Variants in BEST3 observed in about 807,000 individuals in gnomAD.
BEST3 encodes the protein bestrophin 3, also known as bestrophin-3.
Under a neutral mutation model 47.1 loss-of-function variants are expected in BEST3, and 50 were observed. That is an observed-to-expected ratio of 1.06 (90% confidence interval 0.85 to 1.34). BEST3 has a LOEUF of 1.34. Among genes scored for constraint, BEST3 ranks in the 40% most tolerant of loss-of-function variants. BEST3 has a pLI of 0.00. For missense variants in BEST3, 765 were observed against 817.0 expected, an observed-to-expected ratio of 0.94 and a Z score of 0.78; for synonymous variants, 282 against 298.8, an observed-to-expected ratio of 0.94 and a Z score of 0.58.
exon 10 of BEST3, chr12:69,643,629 G>A (rs1882942713): frequency 1.6e-6 from 1 of 608,246 alleles, no homozygotes; most frequent in East Asian, 3.0e-5. Context: ...TTGAGCAGCA[G>A]ATGAGATTGT....
At chr12:69,671,810 C>G (rs1279195414) in intron 8 of BEST3, among the ~76,000 whole-genome samples, 1 of 152,090 alleles carries the variant, frequency 6.6e-6, no homozygotes, top group Non-Finnish European at 1.5e-5. Flanking sequence ...TGAAGCCTCC[C>G]ACACTCCGGG....
At chr12:69,689,580 T>G (rs748062475) in intron 4 of BEST3, among the ~76,000 whole-genome samples, 9 of 152,194 alleles carry the variant, frequency 5.9e-5, no homozygotes, top group Non-Finnish European at 7.3e-5. Flanking sequence ...CTTTTCTGCC[T>G]TTTGAGAAAA....
At chr12:69,693,263 C>CTT (rs61067334) in intron 4 of BEST3, among the ~76,000 whole-genome samples, 1,900 of 112,568 alleles carry the variant, frequency 0.017, 28 homozygotes, top group Non-Finnish European at 0.028. Context: ...TTTCTTTTTT[C>CTT]TTTTTTTTTT....
At chr12:69,689,600 A>G (rs1197346068) in intron 4 of BEST3, among the ~76,000 whole-genome samples, 2 of 152,192 alleles carry the variant, frequency 1.3e-5, no homozygotes, top group African/African-American at 4.8e-5. Flanking sequence ...ATACTTAGGA[A>G]TTAATGAGAG....
At chr12:69,694,117 T>C (rs898380719) in intron 3 of BEST3, 7 of 574,638 alleles carry the variant, frequency 1.2e-5, no homozygotes, top group Middle Eastern at 4.5e-4. Flanking sequence ...ATCTCAAATA[T>C]TGACTGCAAA....
rs111566529 is a variant in BEST3 at position 69,646,924 on chromosome 12, T to C, written c.1101-3137A>G. Among the ~76,000 whole-genome samples, 483 of 142,192 alleles carry C rather than the reference T, an allele frequency of 3.4e-3. 4 individuals are homozygous for C. Among genetic ancestry groups the C allele is most frequent in the African/African-American group, 0.011 (448 of 41,206 alleles). The allele number at this position is 142,192 out of a possible 152,430, so 93.3% of individuals were successfully genotyped here. Reference sequence around the variant, plus strand: ...AAGATGCCGCCACTTCCAGAAAGTTTTGTTCCTTGGGGAATAAAAAAAAAG... The same window carrying C: ...AAGATGCCGCCACTTCCAGAAAGTTCTGTTCCTTGGGGAATAAAAAAAAAG... On this transcript the variant is annotated intron_variant, in intron 9 of 9. Coordinates refer to the BEST3 transcript ENST00000331471.
chr12:69,690,611 G>A (rs568202150), intron 4 of BEST3, among the ~76,000 whole-genome samples: 1 of 152,304 alleles, frequency 6.6e-6, no homozygotes, highest in Non-Finnish European at 1.5e-5. Flanking sequence ...CCCGGCATCT[G>A]ATTCCTGTCA....
intron 4 of BEST3, among the ~76,000 whole-genome samples, chr12:69,682,751 A>AT (rs1200097842): frequency 6.6e-6 from 1 of 151,814 alleles, no homozygotes; most frequent in Non-Finnish European, 1.5e-5. Context: ...TAATTTTTGT[A>AT]TTTTTTGTAG....
At chr12:69,685,856 T>C (rs899234133) in intron 4 of BEST3, among the ~76,000 whole-genome samples, 1 of 152,060 alleles carries the variant, frequency 6.6e-6, no homozygotes, top group Admixed American at 6.6e-5. Context: ...GAGACAGAAA[T>C]GTGGGGGGAA....
At chr12:69,661,888 T>C (rs530372299) in intron 9 of BEST3, among the ~76,000 whole-genome samples, 1 of 152,194 alleles carries the variant, frequency 6.6e-6, no homozygotes, top group Non-Finnish European at 1.5e-5. Context: ...AAGTGGCCTC[T>C]TGTGCCTTTA....
At chr12:69,679,660 A>T (rs1160738326) in intron 4 of BEST3, among the ~76,000 whole-genome samples, 1 of 152,208 alleles carries the variant, frequency 6.6e-6, no homozygotes, top group African/African-American at 2.4e-5. Context: ...CAGGAGTTCA[A>T]CACGAGCCTG....
At position 69,654,270 on chromosome 12, in the gene BEST3, A is replaced by T. The variant is rs1341360616; in HGVS notation, c.*637T>A. 3.0e-6 allele frequency: 3 copies of T among 985,002 alleles called. No homozygotes were observed. The African/African-American group carries it at 5.2e-5, about 17-fold the overall frequency. 61.0% of individuals were successfully genotyped at this position (985,002 alleles called of 1,614,324 possible). A position where few individuals can be genotyped will look rare whatever the true frequency, so the allele number is the denominator to read the frequency against. On this transcript the variant is annotated 3_prime_UTR_variant, in exon 10 of 10. Coordinates refer to ENST00000330891, the MANE Select transcript of BEST3 (RefSeq NM_032735.3). The stretch of plus-strand genomic sequence containing the variant: ...AACCAGGGAGAAGGGAAGGGAAAAA[A>T]AGGATGACAGAATAAAAGGAAAAGA...
chr12:69,696,401 A>C (rs995850097), intron 2 of BEST3, among the ~76,000 whole-genome samples: 2 of 152,200 alleles, frequency 1.3e-5, no homozygotes, highest in Non-Finnish European at 2.9e-5. Context: ...AGCAGCAATA[A>C]ATTCACATTA....
intron 9 of BEST3, among the ~76,000 whole-genome samples, chr12:69,664,429 C>A (rs1373775870): frequency 6.6e-6 from 1 of 152,118 alleles, no homozygotes; most frequent in Admixed American, 6.6e-5. Context: ...ACTGGGACCT[C>A]CCCCCGCCAC....
intron 9 of BEST3, among the ~76,000 whole-genome samples, chr12:69,648,447 A>G (rs1017524800): frequency 1.3e-5 from 2 of 152,242 alleles, no homozygotes; most frequent in African/African-American, 4.8e-5. Flanking sequence ...ATAAGAATGT[A>G]TACAAGCAAA....
downstream of BEST3, among the ~76,000 whole-genome samples, chr12:69,649,710 T>A (rs1883149938): frequency 6.6e-6 from 1 of 152,208 alleles, no homozygotes. Flanking sequence ...ATTTCTGGCC[T>A]CTACCCACTA....
intron 9 of BEST3, 55 bp downstream of exon 9, chr12:69,671,373 C>G (rs1481295903): frequency 1.4e-6 from 2 of 1,457,348 alleles, no homozygotes; most frequent in Non-Finnish European, 1.9e-6. Context: ...GAGACAAGGT[C>G]TCACTATGTT....
intron 4 of BEST3, among the ~76,000 whole-genome samples, chr12:69,681,721 A>T (rs58715753): frequency 0.4 from 60,955 of 151,976 alleles, 12,362 homozygotes; most frequent in South Asian, 0.54. Context: ...ACTAAATCAG[A>T]CTCAGTAGGG....
At position 69,655,173 on chromosome 12, in the gene BEST3, C is replaced by A; in HGVS notation, c.1741G>T (p.Asp581Tyr). The A allele has an allele frequency of 6.2e-7, 1 of 1,614,178 alleles. No homozygotes were observed. Among genetic ancestry groups the A allele is most frequent in the East Asian group, 2.2e-5 (1 of 44,874 alleles). The change falls in exon 10 of 10, where the codon GAC becomes TAC. Residue 581 changes from aspartate to tyrosine, a missense_variant. Physicochemically the swap from Asp to Tyr is radical, Grantham distance 160 (BLOSUM62 -3). Coordinates refer to ENST00000330891, the MANE Select transcript of BEST3 (RefSeq NM_032735.3). ...CTTTTTAGAAAGGTATCACCAGGGT[C>A]TTCTTCACAGTTGAATATATTTTCC... ...AEENIFNCEE[D>Y]PGDTFLKRWS... is the part of the protein sequence containing the mutation.
Sources: gnomAD v4.1 joint callset for allele counts (sites outside exome capture counted in the v4.1 genomes callset) on GRCh38, gnomAD v4.1.1 for gene constraint, MANE v1.5 for transcripts, NCBI Gene and HGNC (gene_info 2026-07-23, HGNC 2026-07-21) for gene names.